The following ZCCHC7 variants were observed in gnomAD, a reference collection of about 807,000 sequenced individuals.
ZCCHC7 encodes the protein zinc finger CCHC-type containing 7.
In ZCCHC7, 35 loss-of-function variants were observed where a neutral mutation model predicts 52.0. The observed-to-expected ratio is 0.67, with a 90% CI of 0.51 to 0.89. ZCCHC7 has a LOEUF of 0.89. Among genes scored for constraint, ZCCHC7 ranks in the 40% least tolerant of loss-of-function variants. ZCCHC7 has a pLI of 0.00. For missense variants in ZCCHC7, 574 were observed against 649.1 expected, an observed-to-expected ratio of 0.88 and a Z score of 1.26; for synonymous variants, 217 against 221.5, an observed-to-expected ratio of 0.98 and a Z score of 0.18.
intron 5 of ZCCHC7, among the ~76,000 whole-genome samples, chr9:37,324,399 T>C (rs1830162288): frequency 6.6e-6 from 1 of 152,234 alleles, no homozygotes; most frequent in Non-Finnish European, 1.5e-5. Context: ...TCTGTTATTG[T>C]ATGCTTGGCT....
chr9:37,199,670 T>G (rs529992521), intron 2 of ZCCHC7, among the ~76,000 whole-genome samples: 4,644 of 148,946 alleles, frequency 0.031, 231 homozygotes, highest in African/African-American at 0.11. Flanking sequence ...CTGTCTGTCT[T>G]TCTCTCTGTC....
At chr9:37,202,704 A>G (rs1208306033) in intron 2 of ZCCHC7, among the ~76,000 whole-genome samples, 3 of 150,928 alleles carry the variant, frequency 2.0e-5, no homozygotes, top group African/African-American at 7.3e-5. Flanking sequence ...CTGATCTTGA[A>G]CTCCTGGACT....
intron 5 of ZCCHC7, among the ~76,000 whole-genome samples, chr9:37,321,924 A>T (rs1830069714): frequency 6.6e-6 from 1 of 152,208 alleles, no homozygotes; most frequent in Non-Finnish European, 1.5e-5. Flanking sequence ...TTTTCTCAGG[A>T]TGTCAGCGCT....
At chr9:37,167,798 C>T (rs1054262116) in intron 2 of ZCCHC7, among the ~76,000 whole-genome samples, 3 of 152,206 alleles carry the variant, frequency 2.0e-5, no homozygotes, top group African/African-American at 7.2e-5. Context: ...ACCCTTCTTA[C>T]TGCTCTATGC....
intron 2 of ZCCHC7, among the ~76,000 whole-genome samples, chr9:37,161,582 AAAG>A (rs1416096173): frequency 6.6e-6 from 1 of 152,140 alleles, no homozygotes; most frequent in Non-Finnish European, 1.5e-5. Flanking sequence ...CTCAAAAAAA[AAAG>A]AAAAAAAAGT....
At chr9:37,156,426 C>G (rs1820818169) in intron 2 of ZCCHC7, among the ~76,000 whole-genome samples, 2 of 152,152 alleles carry the variant, frequency 1.3e-5, no homozygotes, top group Non-Finnish European at 1.5e-5. Context: ...CATATTTTAT[C>G]TTTTCCCGTA....
chr9:37,123,771 T>C (rs1281394169), intron 1 of ZCCHC7, among the ~76,000 whole-genome samples: 3 of 152,250 alleles, frequency 2.0e-5, no homozygotes, highest in Non-Finnish European at 2.9e-5. Flanking sequence ...TTAATTTACC[T>C]ATTAAATAAA....
chr9:37,233,418 A>G (rs1280797231), intron 2 of ZCCHC7, among the ~76,000 whole-genome samples: 1 of 152,226 alleles, frequency 6.6e-6, no homozygotes, highest in Non-Finnish European at 1.5e-5. Context: ...TAATATGCTT[A>G]TAAAGATAGA....
intron 4 of ZCCHC7, 96 bp downstream of exon 4, chr9:37,304,409 T>G: frequency 6.9e-7 from 1 of 1,442,086 alleles, no homozygotes; most frequent in African/African-American, 1.4e-5. Context: ...ATCCCAGCAC[T>G]TTGGGAAGCC....
intron 2 of ZCCHC7, among the ~76,000 whole-genome samples, chr9:37,131,168 G>A (rs368132809): frequency 3.3e-5 from 5 of 151,344 alleles, no homozygotes; most frequent in African/African-American, 9.7e-5. Flanking sequence ...GTGAAACCCC[G>A]TCTCTACTAA....
chr9:37,217,369 T>C (rs1824561975), intron 2 of ZCCHC7, among the ~76,000 whole-genome samples: 1 of 152,188 alleles, frequency 6.6e-6, no homozygotes, highest in Non-Finnish European at 1.5e-5. Context: ...TTTTGGAAAT[T>C]TTCTGTTTTA....
intron 2 of ZCCHC7, among the ~76,000 whole-genome samples, chr9:37,298,965 T>C (rs1379876320): frequency 1.3e-5 from 2 of 152,216 alleles, no homozygotes; most frequent in African/African-American, 4.8e-5. Context: ...TTCTTTACCC[T>C]CTAGCACCTT....
chr9:37,340,986 C>T (rs138196020), intron 6 of ZCCHC7, among the ~76,000 whole-genome samples: 99 of 152,246 alleles, frequency 6.5e-4, no homozygotes, highest in African/African-American at 2.3e-3. Context: ...TAACTACTGA[C>T]ATTATTCAGA....
chr9:37,269,025 G>A (rs1405652697), intron 2 of ZCCHC7, among the ~76,000 whole-genome samples: 1 of 152,196 alleles, frequency 6.6e-6, no homozygotes, highest in Non-Finnish European at 1.5e-5. Context: ...GAATTAACTA[G>A]TCGAAATGGT....
At chr9:37,144,757 A>G (rs759710035) in intron 2 of ZCCHC7, among the ~76,000 whole-genome samples, 5 of 151,972 alleles carry the variant, frequency 3.3e-5, no homozygotes, top group Non-Finnish European at 7.4e-5. Flanking sequence ...TAAGGTACAG[A>G]CTTCAAGTCT....
At position 37,348,597 on chromosome 9, in the gene ZCCHC7, C is replaced by A. The variant is rs146395394; in HGVS notation, c.988-760C>A. 7.9e-4 allele frequency among the ~76,000 whole-genome samples: 120 copies of A among 152,220 alleles called. 2 individuals carry two copies. The East Asian group carries it at 0.021, about 27-fold the overall frequency. On this transcript the variant is annotated intron_variant, in intron 6 of 8. Coordinates refer to ENST00000336755, the MANE Select transcript of ZCCHC7 (RefSeq NM_032226.3). ...GTTTCACCATGCTGGCCAGGCTGGTCTTGAACTCCTGACCTCGTGATCCGC... is the reference window on the plus strand; with the variant it reads ...GTTTCACCATGCTGGCCAGGCTGGTATTGAACTCCTGACCTCGTGATCCGC...
At chr9:37,122,753 C>T (rs1254935837) in intron 1 of ZCCHC7, among the ~76,000 whole-genome samples, 1 of 152,218 alleles carries the variant, frequency 6.6e-6, no homozygotes, top group African/African-American at 2.4e-5. Context: ...GCCTGGCCAA[C>T]ATGGTGAAAC....
intron 2 of ZCCHC7, among the ~76,000 whole-genome samples, chr9:37,161,905 G>C (rs1400961124): frequency 6.6e-6 from 1 of 152,192 alleles, no homozygotes; most frequent in African/African-American, 2.4e-5. Flanking sequence ...AGGAGGTAGA[G>C]ACGGCCAGAT....
intron 2 of ZCCHC7, among the ~76,000 whole-genome samples, chr9:37,271,437 A>T (rs577080342): frequency 1.3e-5 from 2 of 152,336 alleles, no homozygotes; most frequent in African/African-American, 4.8e-5. Flanking sequence ...CCTTTTTGGG[A>T]TCTTATAAAG....
Sources: allele counts gnomAD v4.1 joint callset (sites outside exome capture counted in the v4.1 genomes callset), GRCh38; gene constraint gnomAD v4.1.1; transcripts MANE v1.5; gene names NCBI Gene and HGNC (gene_info 2026-07-23, HGNC 2026-07-21).